Variants in HIRA observed in about 807,000 individuals in gnomAD.
HIRA encodes histone cell cycle regulator.
In HIRA, 13 loss-of-function variants were observed where a neutral mutation model predicts 126.6. The ratio of observed to expected loss-of-function variants is 0.10; its 90% confidence interval spans 0.07 to 0.16. The LOEUF (loss-of-function observed/expected upper bound fraction) is 0.16, where lower values mean the gene tolerates loss of function less well. HIRA is among the 10% of genes least tolerant of loss of function. HIRA has a pLI of 1.00. For missense variants in HIRA, 834 were observed against 1,314.4 expected (o/e 0.63, Z 5.65); for synonymous variants, 511 against 520.0 (o/e 0.98, Z 0.24).
intron 23 of HIRA, among the ~76,000 whole-genome samples, chr22:19,352,770 C>T (rs2146188979): frequency 6.6e-6 from 1 of 152,298 alleles, no homozygotes; most frequent in South Asian, 2.1e-4. Context: ...GAGGGCCTGC[C>T]CCATGCCGCA....
chr22:19,387,982 A>AG (rs1180913032), intron 10 of HIRA, among the ~76,000 whole-genome samples, 166 bp from the exon 11 acceptor site: 24 of 86,002 alleles, frequency 2.8e-4, no homozygotes, highest in East Asian at 7.1e-4. Flanking sequence ...CGGGGGGGGG[A>AG]GGGGGCGACA....
chr22:19,357,046 A>G lies in HIRA; in HGVS notation c.2240T>C (p.Val747Ala), dbSNP rs141953250. 482 of 1,613,872 alleles carry G rather than the reference A, an allele frequency of 3.0e-4. No homozygotes were observed. Among genetic ancestry groups the G allele is most frequent in the Non-Finnish European group, 3.9e-4 (465 of 1,179,974 alleles). The change falls in exon 19 of 25, where the codon GTG (valine) becomes GCG (alanine). Residue 747 changes from valine (V) to alanine (A), a missense_variant. Physicochemically the swap from Val to Ala is moderately conservative, Grantham distance 64. Transcript: ENST00000263208. The stretch of plus-strand genomic sequence containing the variant: ...CCTTTTTTCACAGGCGACACACACC[A>G]CGTCACTGAGAAGGCAGAGTGGGGG... ...RILTAAGSCD[V>A]VCVACEKRML...
At chr22:19,404,010 T>C (rs1218542252) in intron 5 of HIRA, among the ~76,000 whole-genome samples, 2 of 152,222 alleles carry the variant, frequency 1.3e-5, no homozygotes, top group Non-Finnish European at 1.5e-5. Context: ...GTACAAACAT[T>C]ATATTGTACT....
rs573457702 is a variant in HIRA, at chr22:19,331,209, C to G, written c.*231G>C. On this transcript the variant is annotated 3_prime_UTR_variant, in exon 25 of 25. Transcript: ENST00000263208. ...CTGGGCAGAGCTCCAGCCCTAGCTC[C>G]GCATCGGGGGCTTGGAGGGAGGGAT... The G allele has an allele frequency of 6.9e-7, 1 of 1,447,170 alleles. No individual in the cohort carries two copies. The highest frequency in any genetic ancestry group is 1.2e-5 in the South Asian group (1 of 82,388). 89.6% of individuals were successfully genotyped at this position (1,447,170 alleles called of 1,614,324 possible). A position where few individuals can be genotyped will look rare whatever the true frequency, so the allele number is the denominator to read the frequency against.
chr22:19,390,625 A>AAAAAAAAAAG (rs1569304503), intron 9 of HIRA, among the ~76,000 whole-genome samples: 2 of 148,558 alleles, frequency 1.3e-5, no homozygotes, highest in Non-Finnish European at 3.0e-5. Flanking sequence ...AAAAAAAAAA[A>AAAAAAAAAAG]AAGAAGCTGA....
chr22:19,386,321 C>T (rs2089126914), intron 11 of HIRA, among the ~76,000 whole-genome samples: 2 of 152,178 alleles, frequency 1.3e-5, no homozygotes, highest in South Asian at 4.1e-4. Context: ...GTCTTGTGCC[C>T]TAACAAGCTA....
chr22:19,421,873 T>C (rs146039202), intron 1 of HIRA, among the ~76,000 whole-genome samples: 17 of 152,290 alleles, frequency 1.1e-4, no homozygotes, highest in Non-Finnish European at 2.1e-4. Context: ...ATTTTTGCCA[T>C]GTTGGCCAGA....
chr22:19,406,746 G>C (rs963186408), intron 4 of HIRA, among the ~76,000 whole-genome samples: 8 of 152,214 alleles, frequency 5.3e-5, no homozygotes, highest in African/African-American at 9.6e-5. Context: ...AGCTCCTTTT[G>C]AGAGTAGAGC....
In HIRA at chr22:19,399,256, T is replaced by C. The variant is rs776848934; in HGVS notation, c.398-1169A>G. On this transcript the variant is annotated intron_variant, in intron 5 of 24. Transcript: ENST00000263208. ...AAACATAGCAGCAAGGTAATAGCTA[T>C]CAAGTCCTTTCTTTGTACAAGAGGT... 7.8e-4 allele frequency: 439 copies of C among 559,798 alleles called. 3 individuals carry two copies. Among genetic ancestry groups the C allele is most frequent in the Non-Finnish European group, 9.5e-4 (418 of 441,360 alleles). The allele number at this position is 559,798 out of a possible 1,614,324, so 34.7% of individuals were successfully genotyped here. A position where few individuals can be genotyped will look rare whatever the true frequency, so the allele number is the denominator to read the frequency against.
At chr22:19,340,117 C>T (rs1338815775) in intron 24 of HIRA, among the ~76,000 whole-genome samples, 2 of 152,118 alleles carry the variant, frequency 1.3e-5, no homozygotes, top group Non-Finnish European at 2.9e-5. Flanking sequence ...ATGCAAAAAT[C>T]CTCAACAAAA....
intron 1 of HIRA, among the ~76,000 whole-genome samples, chr22:19,421,380 A>T (rs1723712146): frequency 6.6e-6 from 1 of 152,110 alleles, no homozygotes; most frequent in Non-Finnish European, 1.5e-5. Context: ...GGGAGGCTAC[A>T]CACCAAAGAC....
chr22:19,357,670 C>G (rs2088825681), intron 18 of HIRA, among the ~76,000 whole-genome samples: 1 of 152,204 alleles, frequency 6.6e-6, no homozygotes, highest in African/African-American at 2.4e-5. Flanking sequence ...TAAGGCACAG[C>G]CACAGGCCCA....
At chr22:19,363,231 T>TC (rs1212299395) in intron 15 of HIRA, among the ~76,000 whole-genome samples, 5 of 143,774 alleles carry the variant, frequency 3.5e-5, no homozygotes, top group African/African-American at 1.3e-4. Context: ...AGATTCCGTC[T>TC]CAAAAAAAAA....
At chr22:19,359,643 G>C (rs1269037439) in intron 17 of HIRA, among the ~76,000 whole-genome samples, 159 bp from the exon 18 acceptor site, 1 of 152,222 alleles carries the variant, frequency 6.6e-6, no homozygotes, top group African/African-American at 2.4e-5. Context: ...CAAAGGGGCT[G>C]AGCGGGAGGC....
intron 1 of HIRA, among the ~76,000 whole-genome samples, chr22:19,414,300 G>A (rs777860547): frequency 2.0e-5 from 3 of 152,138 alleles, no homozygotes; most frequent in African/African-American, 7.2e-5. Flanking sequence ...ATTATGACAG[G>A]GCATGCTCAG....
At chr22:19,348,857 C>T (rs1173577280) in intron 24 of HIRA, among the ~76,000 whole-genome samples, 2 of 151,772 alleles carry the variant, frequency 1.3e-5, no homozygotes, top group Non-Finnish European at 1.5e-5. Context: ...AGTACAATGG[C>T]GTGATCTTGG....
chr22:19,339,765 A>C (rs1368409711), intron 24 of HIRA, among the ~76,000 whole-genome samples: 1 of 152,236 alleles, frequency 6.6e-6, no homozygotes, highest in Non-Finnish European at 1.5e-5. Context: ...AAACTAGAAA[A>C]TCTAGAGGAA....
intron 24 of HIRA, 103 bp from the exon 25 acceptor site, chr22:19,331,659 A>G (rs2088488369): frequency 3.6e-6 from 4 of 1,101,874 alleles, no homozygotes; most frequent in Admixed American, 2.3e-5. Context: ...CTCACGGGAG[A>G]AGGAAAGAAC....
chr22:19,343,814 C>T (rs1483130614), intron 24 of HIRA, among the ~76,000 whole-genome samples: 2 of 151,294 alleles, frequency 1.3e-5, no homozygotes, highest in Non-Finnish European at 2.9e-5. Flanking sequence ...GTAATCCCAG[C>T]TACTCGGGAG....
Sources: allele counts gnomAD v4.1 joint callset (sites outside exome capture counted in the v4.1 genomes callset), GRCh38; gene constraint gnomAD v4.1.1; transcripts MANE v1.5; gene names NCBI Gene and HGNC (gene_info 2026-07-23, HGNC 2026-07-21).